Variants in WWOX observed in about 807,000 individuals in gnomAD.
WWOX encodes the protein WW domain-containing oxidoreductase.
Under a neutral mutation model 46.2 loss-of-function variants are expected in WWOX, and 69 were observed. The ratio of observed to expected loss-of-function variants is 1.49; its 90% CI spans 1.23 to 1.82. The LOEUF (loss-of-function observed/expected upper bound fraction) is 1.82. WWOX is among the 40% of genes most tolerant of loss of function. WWOX has a pLI of 0.00. For missense variants in WWOX, 919 were observed against 542.6 expected, an observed-to-expected ratio of 1.69 and a Z score of -6.89; for synonymous variants, 359 against 202.6, an observed-to-expected ratio of 1.77 and a Z score of -6.56.
Position 78,775,967 on chromosome 16 carries a change from A to G in WWOX, c.1056+343215A>G, listed in dbSNP as rs2050180942. Among the ~76,000 whole-genome samples the G allele has an allele frequency of 2.0e-5, 3 of 152,220 alleles. No homozygotes were observed. The South Asian group carries it at 6.2e-4, about 31-fold the overall frequency. On this transcript the variant is annotated intron_variant, in intron 8 of 8. Transcript: ENST00000566780. ...ACTCTAAACGTAAGACCCTGTGATG[A>G]CTGACACTTACTAGGTTTCTCATTT... is the stretch of plus-strand genomic sequence containing the variant.
chr16:78,951,973 A>G (rs114868535), intron 8 of WWOX, among the ~76,000 whole-genome samples: 4 of 152,164 alleles, frequency 2.6e-5, no homozygotes, highest in African/African-American at 9.6e-5. Context: ...TTGAGACCCA[A>G]ATGTGAGTAT....
chr16:78,334,074 T>G (rs1191940725), intron 5 of WWOX, among the ~76,000 whole-genome samples: 1 of 152,202 alleles, frequency 6.6e-6, no homozygotes, highest in Non-Finnish European at 1.5e-5. Context: ...TGATGTTACA[T>G]CGCATAAAGA....
chr16:78,175,029 T>TAATAATAATAAG (rs879644346), intron 5 of WWOX, among the ~76,000 whole-genome samples: 2 of 129,740 alleles, frequency 1.5e-5, no homozygotes, highest in East Asian at 2.0e-4. Flanking sequence ...ATAATAATAA[T>TAATAATAATAAG]AAGAATCTGA....
At chr16:78,953,181 C>G (rs996399220) in intron 8 of WWOX, among the ~76,000 whole-genome samples, 2 of 152,042 alleles carry the variant, frequency 1.3e-5, no homozygotes, top group African/African-American at 2.4e-5. Context: ...GTGGTTCTGA[C>G]CAGGCAGGAT....
At chr16:78,368,600 G>A (rs1005120658) in intron 5 of WWOX, among the ~76,000 whole-genome samples, 6 of 152,220 alleles carry the variant, frequency 3.9e-5, no homozygotes, top group Admixed American at 2.0e-4. Context: ...AAGAGGCAGG[G>A]AGAGCTTGCA....
At position 78,585,477 on chromosome 16, in the gene WWOX, C is replaced by T. The variant is rs911309036; in HGVS notation, c.1056+152725C>T. On this transcript the variant is annotated intron_variant, in intron 8 of 8. Transcript: ENST00000566780. ...ACTGATGGGCCCCCAACTCAACTTTCACTGGCCAAAGTACTTGGGGTTAAT... is the reference window on the plus strand; with the variant it reads ...ACTGATGGGCCCCCAACTCAACTTTTACTGGCCAAAGTACTTGGGGTTAAT... 3.9e-5 allele frequency among the ~76,000 whole-genome samples: 6 copies of T among 152,162 alleles called. No homozygotes were observed. In the East Asian group the frequency reaches 9.7e-4, roughly 25 times the overall value.
At chr16:78,218,592 A>T (rs1035319746) in intron 5 of WWOX, among the ~76,000 whole-genome samples, 6 of 152,200 alleles carry the variant, frequency 3.9e-5, no homozygotes, top group African/African-American at 1.4e-4. Flanking sequence ...GAAAAAAAAA[A>T]TGTCACGATA....
chr16:78,366,273 G>T (rs72794095), intron 5 of WWOX, among the ~76,000 whole-genome samples: 7,953 of 152,236 alleles, frequency 0.052, 282 homozygotes, highest in East Asian at 0.12. Context: ...TAAACTTTTA[G>T]ATTATTTAAT....
intron 8 of WWOX, chr16:78,756,818 A>T: frequency 1.7e-6 from 1 of 580,712 alleles, no homozygotes; most frequent in African/African-American, 1.8e-5. Context: ...CTTCTCGGAC[A>T]CCTAATACTA....
chr16:79,188,372 T>C (rs750084612), intron 8 of WWOX, among the ~76,000 whole-genome samples: 1 of 146,184 alleles, frequency 6.8e-6, no homozygotes, highest in Non-Finnish European at 1.5e-5. Context: ...CCCTTGCAAA[T>C]GCTCTCTCTC....
chr16:78,156,347 C>G (rs551819036), intron 4 of WWOX, among the ~76,000 whole-genome samples: 10 of 152,242 alleles, frequency 6.6e-5, no homozygotes, highest in East Asian at 1.9e-4. Flanking sequence ...GTGCTTTTCC[C>G]CCACAGATTT....
At chr16:78,138,587 T>C (rs1354884885) in intron 4 of WWOX, among the ~76,000 whole-genome samples, 1 of 152,246 alleles carries the variant, frequency 6.6e-6, no homozygotes, top group Non-Finnish European at 1.5e-5. Flanking sequence ...GAAAGTCCGA[T>C]AAGAATCCAT....
rs192961511 is a variant in WWOX at position 78,491,122 on chromosome 16, C to T, written c.1056+58370C>T. Among the ~76,000 whole-genome samples the T allele has an allele frequency of 2.6e-4, 39 of 152,304 alleles. 1 individual carries two copies. The highest frequency in any genetic ancestry group is 2.4e-3 in the Admixed American group (36 of 15,296). On this transcript the variant is annotated intron_variant, in intron 8 of 8. Transcript: ENST00000566780. The stretch of plus-strand genomic sequence containing the variant: ...CCCGAGGCTGCCTGCCATGCTCGTG[C>T]TTTCTTGTCTATTGGCAAAAGGCTC...
At chr16:78,871,867 C>T (rs963333143) in intron 8 of WWOX, among the ~76,000 whole-genome samples, 3 of 152,100 alleles carry the variant, frequency 2.0e-5, no homozygotes, top group Non-Finnish European at 2.9e-5. Flanking sequence ...CCTCCCAAAG[C>T]GCTGGGATTA....
rs375557506 is a variant in WWOX, at chr16:78,116,779, A to G, written c.409+1625A>G. Among the ~76,000 whole-genome samples the G allele has an allele frequency of 3.3e-5, 5 of 152,366 alleles. No individual in the cohort carries two copies. In the East Asian group the frequency reaches 9.6e-4, roughly 29 times the overall value. Reference sequence around the variant, plus strand: ...CTTAAAAATGTCTTTTTAACAATTTAACAAGTTAGCCAGAAACTTTAAAGA... The same window carrying G: ...CTTAAAAATGTCTTTTTAACAATTTGACAAGTTAGCCAGAAACTTTAAAGA... On this transcript the variant is annotated intron_variant, in intron 4 of 8. Transcript: ENST00000566780.
In WWOX at chr16:78,354,799, ACTT is replaced by A. The variant is rs548825512; in HGVS notation, c.517-32057_517-32055del. On this transcript the variant is annotated intron_variant, in intron 5 of 8. Coordinates refer to ENST00000566780, the MANE Select transcript of WWOX (RefSeq NM_016373.4). ...TTTTTCTAGATGGCCTGTCTTTAACACTTCTTGATATTTTTGATTAAATTTTCA... is the reference window on the plus strand; with the variant it reads ...TTTTTCTAGATGGCCTGTCTTTAACACTTGATATTTTTGATTAAATTTTCA... Among the ~76,000 whole-genome samples, 65 of 152,158 alleles carry A rather than the reference ACTT, an allele frequency of 4.3e-4. No individual in the cohort carries two copies. The East Asian group carries it at 0.012, about 29-fold the overall frequency.
chr16:78,159,794 A>T, intron 4 of WWOX, among the ~76,000 whole-genome samples: 1 of 145,668 alleles, frequency 6.9e-6, no homozygotes, highest in East Asian at 2.1e-4. Context: ...TTGCCCTTTC[A>T]GTGTCTTGAT....
intron 5 of WWOX, among the ~76,000 whole-genome samples, chr16:78,319,087 G>C (rs1046977563): frequency 6.6e-6 from 1 of 152,112 alleles, no homozygotes; most frequent in South Asian, 2.1e-4. Flanking sequence ...TTCCTAAAAG[G>C]GGGAGAGAGA....
At chr16:78,961,631 C>G (rs556136125) in intron 8 of WWOX, among the ~76,000 whole-genome samples, 1 of 152,070 alleles carries the variant, frequency 6.6e-6, no homozygotes, top group African/African-American at 2.4e-5. Context: ...GGACTCTTTA[C>G]AAAGAGTCTT....
Sources: gnomAD v4.1 joint callset for allele counts (sites outside exome capture counted in the v4.1 genomes callset) on GRCh38, gnomAD v4.1.1 for gene constraint, MANE v1.5 for transcripts, NCBI Gene and HGNC (gene_info 2026-07-23, HGNC 2026-07-21) for gene names.